CCNJL: variants seen among roughly 807,000 people sequenced by gnomAD.
CCNJL encodes the protein cyclin-J-like protein.
Under a neutral mutation model 33.4 loss-of-function variants are expected in CCNJL, and 33 were observed. The ratio of observed to expected loss-of-function variants is 0.99; its 90% CI spans 0.75 to 1.32. The LOEUF is 1.32. CCNJL is among the 40% of genes most tolerant of loss of function. CCNJL has a pLI of 0.00. For synonymous variants in CCNJL, 227 were observed against 220.9 expected, an observed-to-expected ratio of 1.03 and a Z score of -0.24; for missense variants, 512 against 499.7, an observed-to-expected ratio of 1.02 and a Z score of -0.23.
chr5:160,323,443 A>G (rs1301575600), intron 1 of CCNJL, among the ~76,000 whole-genome samples: 2 of 152,172 alleles, frequency 1.3e-5, no homozygotes, highest in African/African-American at 2.4e-5. Context: ...TAGGCAATTC[A>G]TTTATTTAAC....
intron 3 of CCNJL, among the ~76,000 whole-genome samples, chr5:160,264,166 C>T (rs1218944832): frequency 6.6e-6 from 1 of 152,136 alleles, no homozygotes; most frequent in Non-Finnish European, 1.5e-5. Flanking sequence ...CTCAAGTGAT[C>T]TGCCCGCCCC....
At chr5:160,281,377 C>T (rs1762207390) in intron 2 of CCNJL, 1 of 157,328 alleles carries the variant, frequency 6.4e-6, no homozygotes, top group South Asian at 1.9e-4. Flanking sequence ...TGACATCTGC[C>T]TTCTTTTTCT....
chr5:160,272,737 G>A (rs1026633224), intron 3 of CCNJL, among the ~76,000 whole-genome samples: 3 of 152,232 alleles, frequency 2.0e-5, no homozygotes, highest in Non-Finnish European at 4.4e-5. Flanking sequence ...GGTCTCATCA[G>A]CTGTTGGTTG....
chr5:160,269,683 T>TGCTGGC (rs1369239720), intron 3 of CCNJL: 4 of 350,620 alleles, frequency 1.1e-5, no homozygotes, highest in Non-Finnish European at 2.3e-5. Flanking sequence ...AATGCTGCTC[T>TGCTGGC]GCTGGCTCAG....
chr5:160,303,814 T>C (rs970658322), intron 2 of CCNJL, among the ~76,000 whole-genome samples: 1 of 151,972 alleles, frequency 6.6e-6, no homozygotes, highest in African/African-American at 2.4e-5. Context: ...GGTGCTCAGA[T>C]ATACTAGAGA....
rs1484015198 is a variant in CCNJL, at chr5:160,253,470, C to T, written c.1072G>A (p.Ala358Thr). ...PASLSMHMAI[A>T]AEPRHCLATT... The stretch of plus-strand genomic sequence containing the variant: ...GCGAGGCAGTGCCTGGGCTCAGCTG[C>T]AATGGCCATATGCATGCTAAGGGAT... The change falls in exon 6 of 6, where the codon GCA (alanine) becomes ACA (threonine). Residue 358 changes from alanine (A) to threonine (T), a missense_variant. Transcript: ENST00000257536. 1 of 1,613,702 alleles carries T rather than the reference C, an allele frequency of 6.2e-7. No homozygotes were observed. The highest frequency in any genetic ancestry group is 8.5e-7 in the Non-Finnish European group (1 of 1,179,868).
Position 160,259,500 on chromosome 5 carries a change from ATACTC to A in CCNJL, c.547_551del (p.Glu183CysfsTer60), listed in dbSNP as rs1485303534. 3 of 1,614,014 alleles carry A rather than the reference ATACTC, an allele frequency of 1.9e-6. No individual in the cohort carries two copies. In the Admixed American group the frequency reaches 5.0e-5, roughly 27 times the overall value. On this transcript the variant is annotated frameshift_variant, in exon 4 of 6. Transcript: ENST00000257536. LOFTEE classifies it high-confidence loss of function. ...GGGTGACCTCTAGGAAGTAATGGGC[ATACTC>A]CTTGAGGCACTCTTTGGTCTTGCGG...
rs1444751030 is a variant in CCNJL, at chr5:160,250,898, A to G, written c.*2480T>C. On this transcript the variant is annotated 3_prime_UTR_variant, in exon 6 of 6. Coordinates refer to ENST00000257536, the MANE Select transcript of CCNJL (RefSeq NM_001308173.3). ...ATTATGTTATTTAATCCTCTTAAGA[A>G]CCCTATGAGGCAAGGTGTTATCACT... The G allele has an allele frequency of 1.3e-5, 2 of 152,154 alleles. No homozygotes were observed. Among genetic ancestry groups the G allele is most frequent in the African/African-American group, 4.8e-5 (2 of 41,440 alleles). 9.4% of individuals were successfully genotyped at this position (152,154 alleles called of 1,614,324 possible).
intron 3 of CCNJL, among the ~76,000 whole-genome samples, chr5:160,271,911 A>G (rs1204790614): frequency 6.6e-6 from 1 of 152,244 alleles, no homozygotes; most frequent in East Asian, 1.9e-4. Flanking sequence ...GGGAGCTATT[A>G]AATTATCTCC....
intron 1 of CCNJL, chr5:160,326,790 G>A (rs1343093478): frequency 2.3e-6 from 2 of 873,318 alleles, no homozygotes; most frequent in Non-Finnish European, 3.8e-6. Context: ...CGCAGATTCA[G>A]GTGTGGCTCT....
intron 5 of CCNJL, chr5:160,254,376 T>C (rs1350454578): frequency 1.2e-5 from 8 of 647,346 alleles, no homozygotes; most frequent in Admixed American, 2.6e-5. Flanking sequence ...AAGCTTCCCA[T>C]ATAGCTTTTT....
Position 160,281,566 on chromosome 5 carries a change from T to C in CCNJL, c.67-828A>G, listed in dbSNP as rs190018082. 3.7e-3 allele frequency among the ~76,000 whole-genome samples: 570 copies of C among 152,310 alleles called. 2 individuals are homozygous for C. The highest frequency in any genetic ancestry group is 0.013 in the African/African-American group (532 of 41,556). On this transcript the variant is annotated intron_variant, in intron 2 of 5. Coordinates refer to ENST00000257536, the MANE Select transcript of CCNJL (RefSeq NM_001308173.3). The stretch of plus-strand genomic sequence containing the variant: ...ATAAAAGATATCAAACCAACAAAGT[T>C]TTTTACAACATAATAATGTTCTTAT...
At chr5:160,321,813 G>A (rs140039265) in intron 1 of CCNJL, among the ~76,000 whole-genome samples, 127 of 152,062 alleles carry the variant, frequency 8.4e-4, no homozygotes, top group African/African-American at 2.9e-3. Context: ...GAGCCGAGAC[G>A]GTGCCACTGC....
intron 1 of CCNJL, among the ~76,000 whole-genome samples, chr5:160,335,550 A>G (rs893690499): frequency 6.6e-6 from 1 of 151,854 alleles, no homozygotes; most frequent in South Asian, 2.1e-4. Context: ...ATCATCTGAT[A>G]TGGTTGATCA....
chr5:160,259,886 C>T, intron 3 of CCNJL, 115 bp from the exon 4 acceptor site: 1 of 837,448 alleles, frequency 1.2e-6, no homozygotes, highest in East Asian at 2.4e-5. Context: ...AGAAAGCAGA[C>T]AGGCCAGACT....
chr5:160,304,338 A>G (rs907465733), intron 2 of CCNJL, among the ~76,000 whole-genome samples: 1 of 151,890 alleles, frequency 6.6e-6, no homozygotes, highest in African/African-American at 2.4e-5. Context: ...TTGTCCCCCA[A>G]CCTCATTTGC....
Position 160,308,691 on chromosome 5 carries a change from G to A in CCNJL, c.66+3167C>T, listed in dbSNP as rs188906492. Among the ~76,000 whole-genome samples the A allele has an allele frequency of 3.1e-3, 477 of 152,368 alleles. 2 individuals are homozygous for A. The highest frequency in any genetic ancestry group is 4.6e-3 in the South Asian group (22 of 4,832). On this transcript the variant is annotated intron_variant, in intron 2 of 5. Transcript: ENST00000257536. ...GAGAATGGTGTGAACCCGGGAGGCGGAGGTTGCACTGAGCTGATAGTGCCA... is the reference window on the plus strand; with the variant it reads ...GAGAATGGTGTGAACCCGGGAGGCGAAGGTTGCACTGAGCTGATAGTGCCA...
At chr5:160,315,381 C>T (rs1354953818), upstream of CCNJL, 3 of 422,050 alleles carry the variant, frequency 7.1e-6, no homozygotes, top group Non-Finnish European at 1.4e-5. Context: ...GTGGTATACA[C>T]CTGTAGTCTT....
intron 1 of CCNJL, among the ~76,000 whole-genome samples, chr5:160,336,691 C>T (rs1561816735): frequency 6.6e-6 from 1 of 152,222 alleles, no homozygotes; most frequent in Non-Finnish European, 1.5e-5. Flanking sequence ...ATTTACTCAC[C>T]TCCTGCTCCC....
Sources: allele counts gnomAD v4.1 joint callset (sites outside exome capture counted in the v4.1 genomes callset), GRCh38; gene constraint gnomAD v4.1.1; transcripts MANE v1.5; gene names NCBI Gene and HGNC (gene_info 2026-07-23, HGNC 2026-07-21).